The following EFCAB11 variants were observed in gnomAD, a reference collection of about 807,000 sequenced individuals.
EFCAB11 encodes the protein EF-hand calcium binding domain 11.
In EFCAB11, 14 loss-of-function variants were observed where a neutral mutation model predicts 23.0. That is an observed-to-expected ratio of 0.61 (90% CI 0.40 to 0.95). The LOEUF (loss-of-function observed/expected upper bound fraction) is 0.95, where lower values mean the gene tolerates loss of function less well. Among genes scored for constraint, EFCAB11 ranks in the 40% least tolerant of loss-of-function variants. The pLI is 0.00. For missense variants in EFCAB11, 198 were observed against 195.8 expected (o/e 1.01, Z -0.07); for synonymous variants, 65 against 66.6 (o/e 0.98, Z 0.11).
chr14:89,909,128 T>TG (rs1179194310), intron 5 of EFCAB11, among the ~76,000 whole-genome samples: 1 of 152,170 alleles, frequency 6.6e-6, no homozygotes, highest in Non-Finnish European at 1.5e-5. Context: ...TGAACCCTCA[T>TG]GCTAATCAGA....
At chr14:89,928,708 T>G (rs923115162) in intron 5 of EFCAB11, among the ~76,000 whole-genome samples, 2 of 147,928 alleles carry the variant, frequency 1.4e-5, no homozygotes, top group Non-Finnish European at 3.0e-5. Flanking sequence ...TATATACAAT[T>G]ATTAATAATA....
At chr14:89,910,647 A>G (rs868370798) in intron 5 of EFCAB11, among the ~76,000 whole-genome samples, 1 of 141,122 alleles carries the variant, frequency 7.1e-6, no homozygotes, top group African/African-American at 3.0e-5. Context: ...ACATACATAC[A>G]TAAAAATGTC....
At chr14:89,920,221 T>C (rs1889979949) in intron 5 of EFCAB11, among the ~76,000 whole-genome samples, 1 of 152,186 alleles carries the variant, frequency 6.6e-6, no homozygotes, top group Admixed American at 6.5e-5. Context: ...CAGCTTCCTT[T>C]TGTATATTTT....
intron 5 of EFCAB11, among the ~76,000 whole-genome samples, chr14:89,868,768 A>C (rs1386531283): frequency 6.6e-6 from 1 of 152,228 alleles, no homozygotes; most frequent in African/African-American, 2.4e-5. Context: ...TTTGAAGCCC[A>C]TTTCACATTA....
At chr14:89,901,261 A>G (rs1889329607) in intron 5 of EFCAB11, among the ~76,000 whole-genome samples, 1 of 152,248 alleles carries the variant, frequency 6.6e-6, no homozygotes, top group Non-Finnish European at 1.5e-5. Flanking sequence ...GGAGAGAAAC[A>G]AATGATGACT....
At chr14:89,885,882 CTTTT>C (rs149131993) in intron 5 of EFCAB11, among the ~76,000 whole-genome samples, 1 of 144,006 alleles carries the variant, frequency 6.9e-6, no homozygotes, top group African/African-American at 2.6e-5. Context: ...TTGTTTTTTT[CTTTT>C]TTTTTCTTTG....
At chr14:89,887,312 G>C (rs1888820165) in intron 5 of EFCAB11, among the ~76,000 whole-genome samples, 1 of 152,114 alleles carries the variant, frequency 6.6e-6, no homozygotes, top group Admixed American at 6.6e-5. Flanking sequence ...TATTTAAACA[G>C]GGAACTACAA....
Position 89,797,119 on chromosome 14 carries a change from C to T in EFCAB11, c.*124G>A, listed in dbSNP as rs761267794. The T allele has an allele frequency of 8.0e-5, 69 of 867,716 alleles. No individual in the cohort carries two copies. Among genetic ancestry groups the T allele is most frequent in the Non-Finnish European group, 1.2e-4 (68 of 583,796 alleles). The allele number at this position is 867,716 out of a possible 1,614,324, so 53.8% of individuals were successfully genotyped here. A position where few individuals can be genotyped will look rare whatever the true frequency, so the allele number is the denominator to read the frequency against. ...TACATATGCACCTACTATGTACCCACAAAAATTAAAAATTTTTAAATGTTT... is the reference window on the plus strand; with the variant it reads ...TACATATGCACCTACTATGTACCCATAAAAATTAAAAATTTTTAAATGTTT... On this transcript the variant is annotated 3_prime_UTR_variant, in exon 6 of 6. Coordinates refer to ENST00000316738, the MANE Select transcript of EFCAB11 (RefSeq NM_145231.4).
intron 5 of EFCAB11, among the ~76,000 whole-genome samples, chr14:89,832,682 AG>A (rs1373879513): frequency 5.9e-5 from 9 of 152,230 alleles, no homozygotes; most frequent in African/African-American, 1.9e-4. Flanking sequence ...AAATGTGCTT[AG>A]AACACTTACA....
At chr14:89,907,555 T>C (rs536280114) in intron 5 of EFCAB11, among the ~76,000 whole-genome samples, 7 of 152,350 alleles carry the variant, frequency 4.6e-5, no homozygotes, top group Admixed American at 1.3e-4. Context: ...ATAGATTATA[T>C]AGCTCTATTT....
At chr14:89,848,147 T>C (rs144385528) in intron 5 of EFCAB11, among the ~76,000 whole-genome samples, 14 of 152,366 alleles carry the variant, frequency 9.2e-5, no homozygotes, top group Admixed American at 8.5e-4. Context: ...TATATCATTA[T>C]CCTGTAAGTT....
chr14:89,850,097 C>A (rs533876366), intron 5 of EFCAB11, among the ~76,000 whole-genome samples: 1 of 152,270 alleles, frequency 6.6e-6, no homozygotes, highest in Non-Finnish European at 1.5e-5. Context: ...AGACTACCCC[C>A]TGCCTCCCGG....
chr14:89,954,374 G>C (rs1891348667), intron 1 of EFCAB11: 1 of 1,535,856 alleles, frequency 6.5e-7, no homozygotes, highest in Non-Finnish European at 8.7e-7. Context: ...ACTATATAGA[G>C]AGAAAGGAGA....
chr14:89,845,246 C>T (rs762665430), intron 5 of EFCAB11, among the ~76,000 whole-genome samples: 2 of 152,048 alleles, frequency 1.3e-5, no homozygotes, highest in South Asian at 2.1e-4. Flanking sequence ...TCCAAGTAAA[C>T]GGATCATTTA....
intron 5 of EFCAB11, among the ~76,000 whole-genome samples, chr14:89,808,732 A>C (rs2140086004): frequency 6.6e-6 from 1 of 152,386 alleles, no homozygotes; most frequent in African/African-American, 2.4e-5. Context: ...ATTATCAAAA[A>C]CACTCTATTA....
intron 5 of EFCAB11, among the ~76,000 whole-genome samples, chr14:89,874,348 G>A (rs982974539): frequency 6.6e-6 from 1 of 152,204 alleles, no homozygotes; most frequent in African/African-American, 2.4e-5. Context: ...CCTGCGATGG[G>A]AGGGGCTGGC....
chr14:89,859,695 CAGGT>C (rs1887861196), intron 5 of EFCAB11, among the ~76,000 whole-genome samples: 2 of 152,122 alleles, frequency 1.3e-5, no homozygotes, highest in Non-Finnish European at 2.9e-5. Context: ...GCCAAAAAAA[CAGGT>C]AGCCTGAGGT....
chr14:89,867,915 C>T (rs8005653), intron 5 of EFCAB11, among the ~76,000 whole-genome samples: 144,539 of 152,252 alleles, frequency 0.95, 68,851 homozygotes, highest in Non-Finnish European at 0.99. Flanking sequence ...AAGTTCCCCC[C>T]GCTTTTCTTT....
chr14:89,832,897 T>A (rs1057097165), intron 5 of EFCAB11, among the ~76,000 whole-genome samples: 1 of 152,208 alleles, frequency 6.6e-6, no homozygotes, highest in Non-Finnish European at 1.5e-5. Context: ...ACCATTTGTA[T>A]GAAATTCTGC....
Sources: allele counts gnomAD v4.1 joint callset (sites outside exome capture counted in the v4.1 genomes callset), GRCh38; gene constraint gnomAD v4.1.1; transcripts MANE v1.5; gene names NCBI Gene and HGNC (gene_info 2026-07-23, HGNC 2026-07-21).